The following CAPN5 variants were observed in gnomAD, a reference collection of about 807,000 sequenced individuals.
CAPN5 encodes calpain 5, also known as calpain-5.
Under a neutral mutation model 73.0 loss-of-function variants are expected in CAPN5, and 54 were observed. The ratio of observed to expected loss-of-function variants is 0.74; its 90% CI spans 0.59 to 0.93. CAPN5 has a LOEUF of 0.93. Ranked by LOEUF, CAPN5 falls within the 40% of genes least tolerant of loss-of-function variation. The probability of loss-of-function intolerance (pLI) is 0.00; values close to 1 mark genes in which losing one functional copy is unlikely to be tolerated. For missense variants in CAPN5, 785 were observed against 882.9 expected (o/e 0.89, Z 1.41); for synonymous variants, 335 against 356.9 (o/e 0.94, Z 0.69).
intron 3 of CAPN5, chr11:77,103,179 G>A: frequency 6.2e-7 from 1 of 1,613,838 alleles, no homozygotes; most frequent in South Asian, 1.1e-5. Flanking sequence ...GGACTCGGAT[G>A]CCATAGATTG....
At chr11:77,112,483 A>C in intron 3 of CAPN5, 106 bp from the exon 4 acceptor site, 1 of 848,156 alleles carries the variant, frequency 1.2e-6, no homozygotes, top group Non-Finnish European at 1.9e-6. Flanking sequence ...CGAACCCAGT[A>C]TTCCTTTACA....
chr11:77,090,320 G>C (rs1038531879), intron 2 of CAPN5, among the ~76,000 whole-genome samples: 4 of 152,204 alleles, frequency 2.6e-5, no homozygotes, highest in African/African-American at 9.7e-5. Context: ...CTCTGCCACA[G>C]CAAGTCAGGG....
In CAPN5 at chr11:77,089,069, G is replaced by C. The variant is rs186310627; in HGVS notation, c.165+4018G>C. Reference sequence around the variant, plus strand: ...GCCCCAGTGGAACCTGCCAAGCTTTGCTAAGCCTAGAAGTGGGCAAAGTCA... The same window carrying C: ...GCCCCAGTGGAACCTGCCAAGCTTTCCTAAGCCTAGAAGTGGGCAAAGTCA... On this transcript the variant is annotated intron_variant, in intron 2 of 12. Coordinates refer to ENST00000648180, the MANE Select transcript of CAPN5 (RefSeq NM_004055.5). Among the ~76,000 whole-genome samples, 31 of 152,312 alleles carry C rather than the reference G, an allele frequency of 2.0e-4. No individual in the cohort carries two copies. The East Asian group carries it at 6.0e-3, about 29-fold the overall frequency.
chr11:77,123,536 T>A, intron 12 of CAPN5, 152 bp from the exon 13 acceptor site: 1 of 670,188 alleles, frequency 1.5e-6, no homozygotes, highest in Non-Finnish European at 2.6e-6. Flanking sequence ...ACCTTGCCCG[T>A]AGTTCATGGG....
intron 2 of CAPN5, among the ~76,000 whole-genome samples, chr11:77,091,881 G>A (rs1487455412): frequency 6.6e-6 from 1 of 152,226 alleles, no homozygotes; most frequent in African/African-American, 2.4e-5. Flanking sequence ...CTTTGGGTCA[G>A]GCCCTGGGCT....
At chr11:77,105,185 C>T (rs961686084) in intron 3 of CAPN5, among the ~76,000 whole-genome samples, 13 of 151,750 alleles carry the variant, frequency 8.6e-5, no homozygotes, top group Non-Finnish European at 2.9e-5. Context: ...CTGCAGGTCC[C>T]CAATAAAGCC....
At chr11:77,107,732 G>C (rs2135466765) in intron 3 of CAPN5, among the ~76,000 whole-genome samples, 1 of 152,344 alleles carries the variant, frequency 6.6e-6, no homozygotes, top group East Asian at 1.9e-4. Flanking sequence ...GGAGGCGGCA[G>C]ATCCTGCCAG....
In CAPN5 at chr11:77,107,930, CAT is replaced by C. The variant is rs1272596856; in HGVS notation, c.298-4658_298-4657del. ...GTGTACACCAACACAGATGACCCCT[CAT>C]GTGTGCACAGCTCTCTACAGTTTAT... is the stretch of plus-strand genomic sequence containing the variant. On this transcript the variant is annotated intron_variant, in intron 3 of 12. Transcript: ENST00000648180. 2.1e-4 allele frequency among the ~76,000 whole-genome samples: 32 copies of C among 152,334 alleles called. 1 individual carries two copies. The highest frequency in any genetic ancestry group is 1.8e-4 in the Non-Finnish European group (12 of 68,030).
intron 8 of CAPN5, 54 bp from the exon 9 acceptor site, chr11:77,118,975 AT>A: frequency 6.4e-7 from 1 of 1,565,930 alleles, no homozygotes; most frequent in Non-Finnish European, 8.7e-7. Flanking sequence ...CAGCCAGCCC[AT>A]GCCTGGTGTG....
chr11:77,075,812 C>G (rs116719796), intron 1 of CAPN5, among the ~76,000 whole-genome samples: 1 of 151,924 alleles, frequency 6.6e-6, no homozygotes, highest in South Asian at 2.1e-4. Flanking sequence ...GTAGTTTTAC[C>G]GGAACCCCAC....
At chr11:77,089,025 T>G (rs1950121716) in intron 2 of CAPN5, among the ~76,000 whole-genome samples, 1 of 152,090 alleles carries the variant, frequency 6.6e-6, no homozygotes, top group African/African-American at 2.4e-5. Flanking sequence ...CCCCCCTCCC[T>G]CCCAGGGACC....
chr11:77,084,937 GC>G lies in CAPN5; in HGVS notation c.52del (p.Arg18GlyfsTer145). On this transcript the variant is annotated frameshift_variant, in exon 2 of 13. Coordinates refer to ENST00000648180, the MANE Select transcript of CAPN5 (RefSeq NM_004055.5). LOFTEE classifies it high-confidence loss of function. ...AGGACCAGAACTACTCAGCCCTGAG[GC>G]GGGACTGCCGGCGCAGGAAGGTGCT... ...YEDQNYSALRRDCRRRKVLFE... is the reference protein window; with the variant it reads ...YEDQNYSALRXDCRRRKVLFE... 6.2e-7 allele frequency: 1 copy of G among 1,613,970 alleles called. No homozygotes were observed. The highest frequency in any genetic ancestry group is 8.5e-7 in the Non-Finnish European group (1 of 1,180,004).
intron 5 of CAPN5, 132 bp downstream of exon 5, chr11:77,114,566 A>C: frequency 1.2e-6 from 1 of 831,960 alleles, no homozygotes; most frequent in East Asian, 2.5e-5. Flanking sequence ...GGGGGAGGGG[A>C]GAAGTTGGAA....
chr11:77,104,371 A>G (rs1427843884), intron 3 of CAPN5, among the ~76,000 whole-genome samples: 1 of 152,184 alleles, frequency 6.6e-6, no homozygotes, highest in East Asian at 1.9e-4. Context: ...CTGACATAGC[A>G]TCTGTTGGCA....
chr11:77,090,782 G>A (rs1950140463), intron 2 of CAPN5, among the ~76,000 whole-genome samples: 1 of 152,194 alleles, frequency 6.6e-6, no homozygotes, highest in Non-Finnish European at 1.5e-5. Flanking sequence ...CTGCCCTCCT[G>A]GCCTCAGGGA....
intron 2 of CAPN5, among the ~76,000 whole-genome samples, chr11:77,092,702 C>T (rs6592704): frequency 0.75 from 114,931 of 152,284 alleles, 43,564 homozygotes; most frequent in African/African-American, 0.79. Context: ...GGAGGCTGGG[C>T]GCAGTGGCTT....
At chr11:77,092,795 T>C (rs1184320232) in intron 2 of CAPN5, among the ~76,000 whole-genome samples, 2 of 152,170 alleles carry the variant, frequency 1.3e-5, no homozygotes, top group East Asian at 1.9e-4. Context: ...GGAGAAACCC[T>C]GTCTCTACTA....
chr11:77,115,335 A>T, intron 5 of CAPN5, 60 bp from the exon 6 acceptor site: 1 of 1,427,474 alleles, frequency 7.0e-7, no homozygotes, highest in Non-Finnish European at 9.6e-7. Flanking sequence ...CCAGCACCTG[A>T]GTCCCTGGTC....
Position 77,114,265 on chromosome 11 carries a change from T to C in CAPN5, c.530T>C (p.Leu177Pro), listed in dbSNP as rs782344777. 3.7e-6 allele frequency: 6 copies of C among 1,614,190 alleles called. No homozygotes were observed. Among genetic ancestry groups the C allele is most frequent in the Non-Finnish European group, 4.2e-6 (5 of 1,180,012 alleles). The change falls in exon 5 of 13, where the codon CTG becomes CCG. Residue 177 changes from leucine to proline, a missense_variant. Physicochemically the swap from Leu to Pro is moderately conservative, Grantham distance 98. Coordinates refer to ENST00000648180, the MANE Select transcript of CAPN5 (RefSeq NM_004055.5). ...AGACTGGCAGGCTGTTACCAGGCCC[T>C]GGATGGAGGCAACACAGCAGACGCA... ...YAKLAGCYQA[L>P]DGGNTADALV...
Sources: allele counts gnomAD v4.1 joint callset (sites outside exome capture counted in the v4.1 genomes callset), GRCh38; gene constraint gnomAD v4.1.1; transcripts MANE v1.5; gene names NCBI Gene and HGNC (gene_info 2026-07-23, HGNC 2026-07-21).